Variants in ATRNL1 observed in about 807,000 individuals in gnomAD.
The protein encoded by ATRNL1 is attractin like 1.
A neutral mutation model predicts 182.7 loss-of-function variants in ATRNL1; 95 were observed. The ratio of observed to expected loss-of-function variants is 0.52; its 90% CI spans 0.44 to 0.62. The LOEUF is 0.62. Ranked by LOEUF, ATRNL1 falls within the 20% of genes least tolerant of loss-of-function variation. ATRNL1 has a pLI of 0.00. For synonymous variants in ATRNL1, 576 were observed against 568.3 expected (o/e 1.01, Z -0.19); for missense variants, 1,471 against 1,679.5 (o/e 0.88, Z 2.17).
rs868968374 is a variant in ATRNL1, at chr10:115,389,554, A to G, written c.3176-5105A>G. Reference sequence around the variant, plus strand: ...AATGTGTATGTGTATATATATATATATATATATATATATATATATATATAT... The same window carrying G: ...AATGTGTATGTGTATATATATATATGTATATATATATATATATATATATAT... On this transcript the variant is annotated intron_variant, in intron 19 of 28. Coordinates refer to ENST00000355044, the MANE Select transcript of ATRNL1 (RefSeq NM_207303.4). 4.8e-3 allele frequency among the ~76,000 whole-genome samples: 351 copies of G among 72,512 alleles called. 19 individuals carry two copies. The highest frequency in any genetic ancestry group is 0.016 in the African/African-American group (317 of 20,352). 47.6% of individuals were successfully genotyped at this position (72,512 alleles called of 152,430 possible). A position where few individuals can be genotyped will look rare whatever the true frequency, so the allele number is the denominator to read the frequency against.
intron 28 of ATRNL1, among the ~76,000 whole-genome samples, chr10:115,852,679 T>G: frequency 6.6e-6 from 1 of 152,268 alleles, no homozygotes; most frequent in South Asian, 2.1e-4. Flanking sequence ...CATCACTGTG[T>G]CCCTGTGGAT....
intron 28 of ATRNL1, among the ~76,000 whole-genome samples, chr10:115,909,074 T>C (rs1159240910): frequency 2.0e-5 from 3 of 152,138 alleles, no homozygotes; most frequent in South Asian, 4.1e-4. Context: ...AATTGCCACA[T>C]GCAAGGAATT....
intron 9 of ATRNL1, among the ~76,000 whole-genome samples, chr10:115,228,308 A>T (rs1001690182): frequency 6.6e-6 from 1 of 152,192 alleles, no homozygotes; most frequent in Admixed American, 6.6e-5. Context: ...TCTTGAACTT[A>T]TAGGAGTTCC....
intron 19 of ATRNL1, among the ~76,000 whole-genome samples, chr10:115,382,627 A>G (rs1005132344): frequency 2.0e-5 from 3 of 150,374 alleles, no homozygotes; most frequent in Non-Finnish European, 3.0e-5. Context: ...AGATCATGTC[A>G]TATGTGAGTC....
intron 27 of ATRNL1, among the ~76,000 whole-genome samples, chr10:115,821,022 T>C (rs1175620160): frequency 6.6e-6 from 1 of 152,096 alleles, no homozygotes; most frequent in Non-Finnish European, 1.5e-5. Context: ...GCTTATGCAC[T>C]TTCTCAAGCC....
At chr10:115,582,885 C>T (rs1426928265) in intron 26 of ATRNL1, among the ~76,000 whole-genome samples, 7 of 150,968 alleles carry the variant, frequency 4.6e-5, no homozygotes, top group East Asian at 2.0e-4. Context: ...TTAGGTCTAA[C>T]GTTTAAGTCT....
chr10:115,240,014 A>T lies in ATRNL1; in HGVS notation c.1533-1557A>T, dbSNP rs139262341. ...CTGGGGTAGAATTTCTATCATGCTG[A>T]ATTGGTTTTGTGTGTGTGAGGCAGG... On this transcript the variant is annotated intron_variant, in intron 9 of 28. Transcript: ENST00000355044. Among the ~76,000 whole-genome samples, 357 of 152,038 alleles carry T rather than the reference A, an allele frequency of 2.3e-3. 6 individuals carry two copies. The highest frequency in any genetic ancestry group is 8.2e-3 in the African/African-American group (341 of 41,454).
At chr10:115,826,365 C>G (rs2134297670) in intron 27 of ATRNL1, among the ~76,000 whole-genome samples, 2 of 152,134 alleles carry the variant, frequency 1.3e-5, no homozygotes, top group East Asian at 3.9e-4. Flanking sequence ...GAGTGGCAGC[C>G]AGTGGCATCT....
At chr10:115,587,285 G>A (rs1855583773) in intron 26 of ATRNL1, among the ~76,000 whole-genome samples, 1 of 152,200 alleles carries the variant, frequency 6.6e-6, no homozygotes, top group South Asian at 2.1e-4. Context: ...GCTCCACCCA[G>A]TTCAGTTGGA....
intron 10 of ATRNL1, among the ~76,000 whole-genome samples, chr10:115,252,172 G>A (rs962842303): frequency 4.6e-5 from 7 of 151,940 alleles, no homozygotes; most frequent in Admixed American, 2.6e-4. Context: ...GACTACAGGC[G>A]CCCGCCACCA....
chr10:115,926,498 AATAG>A (rs782561021), intron 28 of ATRNL1, among the ~76,000 whole-genome samples: 2 of 152,164 alleles, frequency 1.3e-5, no homozygotes, highest in African/African-American at 2.4e-5. Context: ...AAATTAACAA[AATAG>A]ATAGACCATA....
rs77761021 is a variant in ATRNL1 at position 115,115,897 on chromosome 10, T to C, written c.294-4288T>C. The stretch of plus-strand genomic sequence containing the variant: ...AGTATTGTCTAATATTTGTGCTGGT[T>C]TTCCTGCATTTATTAGTGGCCAACC... On this transcript the variant is annotated intron_variant, in intron 1 of 28. Transcript: ENST00000355044. Among the ~76,000 whole-genome samples the C allele has an allele frequency of 5.9e-5, 9 of 152,260 alleles. No individual in the cohort carries two copies. The East Asian group carries it at 1.7e-3, about 29-fold the overall frequency.
intron 24 of ATRNL1, among the ~76,000 whole-genome samples, chr10:115,518,625 G>A (rs1554984429): frequency 6.6e-6 from 1 of 151,734 alleles, no homozygotes; most frequent in African/African-American, 2.4e-5. Flanking sequence ...AATATACAGG[G>A]CTAGTAATTG....
intron 28 of ATRNL1, among the ~76,000 whole-genome samples, chr10:115,852,265 G>C (rs1333056752): frequency 1.3e-5 from 2 of 152,148 alleles, no homozygotes; most frequent in Admixed American, 1.3e-4. Context: ...AAAGTCTAAG[G>C]TTTTGAAATT....
At position 115,190,736 on chromosome 10, in the gene ATRNL1, GTTAT is replaced by G. The variant is rs1453295499; in HGVS notation, c.1348+19450_1348+19453del. On this transcript the variant is annotated intron_variant, in intron 8 of 28. Transcript: ENST00000355044. Reference sequence around the variant, plus strand: ...GGAACATTTCAGTTCTACTTGTTTAGTTATTTATTGCTTTTGCATCAACCTAATA... The same window carrying G: ...GGAACATTTCAGTTCTACTTGTTTAGTTATTGCTTTTGCATCAACCTAATA... 2.0e-5 allele frequency among the ~76,000 whole-genome samples: 3 copies of G among 151,940 alleles called. No homozygotes were observed. In the East Asian group the frequency reaches 5.8e-4, roughly 29 times the overall value.
intron 1 of ATRNL1, among the ~76,000 whole-genome samples, chr10:115,106,068 A>G (rs1227531125): frequency 1.3e-5 from 2 of 152,188 alleles, no homozygotes; most frequent in East Asian, 3.9e-4. Flanking sequence ...AGCCCATGAA[A>G]GCAGCCAGGA....
At chr10:115,305,129 C>T (rs1554925806) in intron 17 of ATRNL1, among the ~76,000 whole-genome samples, 1 of 151,652 alleles carries the variant, frequency 6.6e-6, no homozygotes, top group Non-Finnish European at 1.5e-5. Context: ...GTCCTTCTTG[C>T]TCAGATGAGT....
intron 20 of ATRNL1, among the ~76,000 whole-genome samples, chr10:115,399,070 G>C (rs1235547403): frequency 1.3e-5 from 2 of 152,092 alleles, no homozygotes; most frequent in Non-Finnish European, 2.9e-5. Flanking sequence ...TGATCATGGT[G>C]GATAAGCTTT....
intron 26 of ATRNL1, among the ~76,000 whole-genome samples, chr10:115,592,456 A>C (rs1855968487): frequency 6.6e-6 from 1 of 152,130 alleles, no homozygotes; most frequent in East Asian, 1.9e-4. Context: ...TACAACTGTC[A>C]CTCCAGTTTT....
Sources: allele counts gnomAD v4.1 joint callset (sites outside exome capture counted in the v4.1 genomes callset), GRCh38; gene constraint gnomAD v4.1.1; transcripts MANE v1.5; gene names NCBI Gene and HGNC (gene_info 2026-07-23, HGNC 2026-07-21).